Variants in SLC4A8 observed in about 807,000 individuals in gnomAD.
SLC4A8 encodes electroneutral sodium bicarbonate exchanger 1.
A neutral mutation model predicts 125.0 loss-of-function variants in SLC4A8; 40 were observed. The observed-to-expected ratio is 0.32, with a 90% CI of 0.25 to 0.42. The LOEUF is 0.42. Among genes scored for constraint, SLC4A8 ranks in the 10% least tolerant of loss-of-function variants. The pLI is 1.00. For synonymous variants in SLC4A8, 456 were observed against 476.0 expected (o/e 0.96, Z 0.55); for missense variants, 863 against 1,355.1 (o/e 0.64, Z 5.70).
In SLC4A8 at chr12:51,452,335, G is replaced by C. The variant is rs917916413; in HGVS notation, c.413+76G>C. The C allele has an allele frequency of 3.3e-6, 5 of 1,513,614 alleles. No homozygotes were observed. In the East Asian group the frequency reaches 1.1e-4, roughly 34 times the overall value. 93.8% of individuals were successfully genotyped at this position (1,513,614 alleles called of 1,614,324 possible). A position where few individuals can be genotyped will look rare whatever the true frequency, so the allele number is the denominator to read the frequency against. Reference sequence around the variant, plus strand: ...GTACCCTTCAGCAAGTGACAGGCCTGCCTGCCTTATTTCTTCTTGGGAGAA... The same window carrying C: ...GTACCCTTCAGCAAGTGACAGGCCTCCCTGCCTTATTTCTTCTTGGGAGAA... On this transcript the variant is annotated intron_variant, in intron 4 of 24. Coordinates refer to ENST00000453097, the MANE Select transcript of SLC4A8 (RefSeq NM_001039960.3).
At chr12:51,470,267 C>G in intron 12 of SLC4A8, 125 bp from the exon 13 acceptor site, 1 of 815,708 alleles carries the variant, frequency 1.2e-6, no homozygotes, top group Non-Finnish European at 2.0e-6. Flanking sequence ...ATCACTCTTG[C>G]TAAGATGAAA....
chr12:51,498,451 A>G (rs1276705522), intron 22 of SLC4A8, among the ~76,000 whole-genome samples: 2 of 152,102 alleles, frequency 1.3e-5, no homozygotes, highest in South Asian at 2.1e-4. Context: ...ATGAAAATAA[A>G]TATTAAAAAA....
chr12:51,469,695 G>A lies in SLC4A8; in HGVS notation c.1431G>A (p.Gln477=). The part of the protein sequence containing the change: ...WSDYRDALSL[Q]CLASFLFLYC... ...ACTACCGAGATGCACTCAGCTTACA[G>A]TGTTTGGCTTCCTTTCTGTTCCTGT... Residue 477 remains glutamine, a synonymous_variant, in exon 12 of 25, where the codon CAG becomes CAA. Transcript: ENST00000453097. The A allele has an allele frequency of 6.2e-7, 1 of 1,614,060 alleles. No homozygotes were observed. Among genetic ancestry groups the A allele is most frequent in the Non-Finnish European group, 8.5e-7 (1 of 1,180,006 alleles).
intron 4 of SLC4A8, 143 bp from the exon 5 acceptor site, chr12:51,453,396 A>G (rs1950027566): frequency 3.9e-6 from 3 of 769,874 alleles, no homozygotes; most frequent in Non-Finnish European, 4.1e-6. Context: ...TCACTTATCA[A>G]TGTACCCTGA....
At chr12:51,452,461 T>TGGAGCATG (rs1285408141) in intron 4 of SLC4A8, among the ~76,000 whole-genome samples, 1 of 152,220 alleles carries the variant, frequency 6.6e-6, no homozygotes, top group African/African-American at 2.4e-5. Context: ...CCAGTTGACC[T>TGGAGCATG]GGAGCATGGG....
intron 21 of SLC4A8, among the ~76,000 whole-genome samples, chr12:51,496,572 A>G (rs1161500010): frequency 2.0e-5 from 3 of 152,264 alleles, no homozygotes; most frequent in Non-Finnish European, 4.4e-5. Flanking sequence ...GCAAAGGATC[A>G]GAGGGAATAA....
In SLC4A8 at chr12:51,507,633, G is replaced by A. The variant is rs553087740; in HGVS notation, c.*195G>A. The A allele has an allele frequency of 2.3e-6, 1 of 441,572 alleles. No homozygotes were observed. Among genetic ancestry groups the A allele is most frequent in the African/African-American group, 2.0e-5 (1 of 49,928 alleles). 27.4% of individuals were successfully genotyped at this position (441,572 alleles called of 1,614,324 possible). Reference sequence around the variant, plus strand: ...GCATCCAGCTATCCCCATACCAGCAGCCAGTCACCAGATGTGAATGTGGAA... The same window carrying A: ...GCATCCAGCTATCCCCATACCAGCAACCAGTCACCAGATGTGAATGTGGAA... On this transcript the variant is annotated 3_prime_UTR_variant, in exon 25 of 25. Coordinates refer to ENST00000453097, the MANE Select transcript of SLC4A8 (RefSeq NM_001039960.3).
intron 1 of SLC4A8, chr12:51,392,172 C>G (rs973133360): frequency 1.3e-5 from 2 of 152,444 alleles, no homozygotes; most frequent in East Asian, 3.8e-4. Context: ...TTTAAACCTA[C>G]TATGATTATT....
At chr12:51,495,470 C>CTTT (rs3028942) in intron 21 of SLC4A8, among the ~76,000 whole-genome samples, 1,659 of 76,236 alleles carry the variant, frequency 0.022, 46 homozygotes, top group East Asian at 0.059. Flanking sequence ...TTTCTTTCTT[C>CTTT]TTTTTTTTTT....
At chr12:51,483,061 C>T (rs1951069970) in intron 16 of SLC4A8, among the ~76,000 whole-genome samples, 1 of 152,092 alleles carries the variant, frequency 6.6e-6, no homozygotes, top group African/African-American at 2.4e-5. Context: ...TTCCCCCCAC[C>T]CCAGGTATTG....
At position 51,510,316 on chromosome 12, in the gene SLC4A8, A is replaced by C. The variant is rs113931275; in HGVS notation, c.*2878A>C. ...GTGGCGGGCGCCTGTAGTCCCAGCT[A>C]TTCAGGAGGCTGAGGCAGAATGGCG... is the stretch of plus-strand genomic sequence containing the variant. On this transcript the variant is annotated 3_prime_UTR_variant, in exon 25 of 25. Coordinates refer to ENST00000453097, the MANE Select transcript of SLC4A8 (RefSeq NM_001039960.3). 1 of 150,120 alleles carries C rather than the reference A, an allele frequency of 6.7e-6. No individual in the cohort carries two copies. Among genetic ancestry groups the C allele is most frequent in the African/African-American group, 2.4e-5 (1 of 40,972 alleles). The allele number at this position is 150,120 out of a possible 1,614,324, so 9.3% of individuals were successfully genotyped here. A position where few individuals can be genotyped will look rare whatever the true frequency, so the allele number is the denominator to read the frequency against.
At chr12:51,500,880 A>C (rs372414122) in intron 22 of SLC4A8, among the ~76,000 whole-genome samples, 30 of 120,444 alleles carry the variant, frequency 2.5e-4, no homozygotes, top group African/African-American at 4.4e-4. Flanking sequence ...TTCTTTCTTT[A>C]TTTTTATTAT....
At chr12:51,418,349 C>A (rs1406105310) in intron 1 of SLC4A8, among the ~76,000 whole-genome samples, 2 of 152,126 alleles carry the variant, frequency 1.3e-5, no homozygotes, top group Admixed American at 1.3e-4. Flanking sequence ...GTCTATAGGA[C>A]ATTTAAGTTT....
intron 19 of SLC4A8, among the ~76,000 whole-genome samples, chr12:51,493,170 G>T (rs1236932089): frequency 6.6e-6 from 1 of 152,038 alleles, no homozygotes; most frequent in Non-Finnish European, 1.5e-5. Flanking sequence ...TTCAAATACT[G>T]TGTGGATGTT....
intron 15 of SLC4A8, chr12:51,474,687 G>A (rs1362734533): frequency 3.2e-6 from 2 of 633,126 alleles, no homozygotes; most frequent in Non-Finnish European, 5.2e-6. Flanking sequence ...CTGCACTAAG[G>A]ATAGGTGGGG....
upstream of SLC4A8, among the ~76,000 whole-genome samples, chr12:51,421,613 C>G (rs1042863494): frequency 6.6e-6 from 1 of 152,180 alleles, no homozygotes; most frequent in Non-Finnish European, 1.5e-5. Context: ...ATGGCTGGGA[C>G]TTGCCTTCCA....
chr12:51,459,898 G>A (rs902463445), intron 7 of SLC4A8, 53 bp from the exon 8 acceptor site: 18 of 1,477,602 alleles, frequency 1.2e-5, no homozygotes, highest in African/African-American at 1.1e-4. Flanking sequence ...ATTTAAAAAC[G>A]ATATTTAAGG....
At chr12:51,429,792 A>T (rs1227889519) in intron 1 of SLC4A8, among the ~76,000 whole-genome samples, 1 of 151,846 alleles carries the variant, frequency 6.6e-6, no homozygotes, top group Non-Finnish European at 1.5e-5. Context: ...TATAGGCATG[A>T]CCACCACGCC....
chr12:51,491,075 T>C (rs573037721), intron 19 of SLC4A8, among the ~76,000 whole-genome samples: 1 of 152,110 alleles, frequency 6.6e-6, no homozygotes, highest in East Asian at 1.9e-4. Flanking sequence ...ACCTGTTAGG[T>C]TTCTGACTTG....
Sources: allele counts gnomAD v4.1 joint callset (sites outside exome capture counted in the v4.1 genomes callset), GRCh38; gene constraint gnomAD v4.1.1; transcripts MANE v1.5; gene names NCBI Gene and HGNC (gene_info 2026-07-23, HGNC 2026-07-21).